The following SMG6 variants were observed in gnomAD, a reference collection of about 807,000 sequenced individuals.
SMG6 encodes telomerase-binding protein EST1A.
SMG6 carries 66 observed loss-of-function variants against 142.2 expected under a neutral mutation model. The ratio of observed to expected loss-of-function variants is 0.46; its 90% CI spans 0.38 to 0.57. The LOEUF (loss-of-function observed/expected upper bound fraction) is 0.57, where lower values mean the gene tolerates loss of function less well. SMG6 is among the 20% of genes least tolerant of loss of function. The pLI, the probability that SMG6 is intolerant of heterozygous loss-of-function variation, is 0.00. For synonymous variants in SMG6, 779 were observed against 702.4 expected, an observed-to-expected ratio of 1.11 and a Z score of -1.72; for missense variants, 1,793 against 1,832.0, an observed-to-expected ratio of 0.98 and a Z score of 0.39.
At chr17:2,191,476 C>T (rs547222409) in intron 10 of SMG6, among the ~76,000 whole-genome samples, 4 of 152,286 alleles carry the variant, frequency 2.6e-5, no homozygotes, top group South Asian at 2.1e-4. Context: ...CCTTGGTATT[C>T]GCCTGGGTTC....
chr17:2,161,277 T>C (rs112134007), intron 13 of SMG6, among the ~76,000 whole-genome samples: 10,977 of 152,040 alleles, frequency 0.072, 572 homozygotes, highest in Admixed American at 0.098. Flanking sequence ...GCTAATTTTG[T>C]ACTTTTAGTA....
intron 15 of SMG6, among the ~76,000 whole-genome samples, chr17:2,070,656 T>C (rs2151398125): frequency 6.6e-6 from 1 of 152,296 alleles, no homozygotes; most frequent in Middle Eastern, 3.4e-3. Context: ...GAGTAAGTTG[T>C]TGCTGCCACT....
intron 13 of SMG6, among the ~76,000 whole-genome samples, chr17:2,168,959 G>A (rs905067323): frequency 4.0e-5 from 6 of 151,642 alleles, no homozygotes; most frequent in Admixed American, 1.3e-4. Flanking sequence ...TGTTGGCCAG[G>A]CTGGTCTCAG....
intron 8 of SMG6, 116 bp from the exon 9 acceptor site, chr17:2,244,835 G>T: frequency 1.2e-6 from 1 of 811,200 alleles, no homozygotes; most frequent in South Asian, 1.5e-5. Flanking sequence ...GGGCACTAGG[G>T]ATGGGAACCA....
chr17:2,282,311 C>T (rs886474078), intron 8 of SMG6, among the ~76,000 whole-genome samples: 1 of 139,114 alleles, frequency 7.2e-6, no homozygotes, highest in African/African-American at 2.7e-5. Context: ...AATATAAGGT[C>T]AACCAAGAGG....
At chr17:2,152,598 T>C (rs2151602210) in intron 13 of SMG6, among the ~76,000 whole-genome samples, 1 of 152,318 alleles carries the variant, frequency 6.6e-6, no homozygotes, top group African/African-American at 2.4e-5. Flanking sequence ...TATGAAAAGA[T>C]GCTCAACATC....
At chr17:2,142,657 G>A (rs896153045) in intron 13 of SMG6, among the ~76,000 whole-genome samples, 6 of 152,102 alleles carry the variant, frequency 3.9e-5, no homozygotes, top group Non-Finnish European at 8.8e-5. Flanking sequence ...GCTGAGGTGG[G>A]CGGATCACCT....
intron 13 of SMG6, among the ~76,000 whole-genome samples, chr17:2,089,308 G>A (rs1162779887): frequency 3.9e-5 from 6 of 152,128 alleles, no homozygotes; most frequent in Non-Finnish European, 1.5e-5. Flanking sequence ...ACATTAGCAC[G>A]TGGGGCTGGA....
chr17:2,143,002 T>C (rs1259499961), intron 13 of SMG6, among the ~76,000 whole-genome samples: 1 of 150,914 alleles, frequency 6.6e-6, no homozygotes, highest in Non-Finnish European at 1.5e-5. Context: ...TATTGAGAAA[T>C]GCAAGTGAAA....
chr17:2,075,727 G>A (rs2068239475), intron 15 of SMG6, among the ~76,000 whole-genome samples: 1 of 152,248 alleles, frequency 6.6e-6, no homozygotes, highest in African/African-American at 2.4e-5. Flanking sequence ...AAAGAACTCA[G>A]GAGAAAAGCA....
intron 13 of SMG6, among the ~76,000 whole-genome samples, chr17:2,141,750 G>C (rs2070487172): frequency 6.6e-6 from 1 of 152,208 alleles, no homozygotes; most frequent in Non-Finnish European, 1.5e-5. Flanking sequence ...GCCTGAGGAG[G>C]AACTTTTTAT....
Position 2,121,587 on chromosome 17 carries a change from C to CTGTGTGTGTGTGTGTGTG in SMG6, c.3358-35704_3358-35687dup, listed in dbSNP as rs71150850. The stretch of plus-strand genomic sequence containing the variant: ...TATATGTATATATGTACATGTCTGT[C>CTGTGTGTGTGTGTGTGTG]TGTGTGTGTGTGTGTGTGTGTGTGT... On this transcript the variant is annotated intron_variant, in intron 13 of 18. Coordinates refer to ENST00000263073, the MANE Select transcript of SMG6 (RefSeq NM_017575.5). Among the ~76,000 whole-genome samples, 78 of 139,848 alleles carry CTGTGTGTGTGTGTGTGTG rather than the reference C, an allele frequency of 5.6e-4. 1 individual carries two copies. Among genetic ancestry groups the CTGTGTGTGTGTGTGTGTG allele is most frequent in the African/African-American group, 1.7e-3 (65 of 37,754 alleles). The allele number at this position is 139,848 out of a possible 152,430, so 91.7% of individuals were successfully genotyped here. A position where few individuals can be genotyped will look rare whatever the true frequency, so the allele number is the denominator to read the frequency against.
At chr17:2,134,525 A>G (rs1325381221) in intron 13 of SMG6, among the ~76,000 whole-genome samples, 2 of 150,944 alleles carry the variant, frequency 1.3e-5, no homozygotes, top group East Asian at 3.9e-4. Context: ...ATGCTGATGT[A>G]AGTTTTATCT....
At chr17:2,069,541 A>G (rs987457305) in intron 15 of SMG6, among the ~76,000 whole-genome samples, 2 of 151,694 alleles carry the variant, frequency 1.3e-5, no homozygotes, top group Non-Finnish European at 2.9e-5. Context: ...GGCTGCAGCG[A>G]GCCGAGATCA....
At chr17:2,168,134 T>C (rs1444033508) in intron 13 of SMG6, among the ~76,000 whole-genome samples, 1 of 152,132 alleles carries the variant, frequency 6.6e-6, no homozygotes, top group Non-Finnish European at 1.5e-5. Flanking sequence ...TTCCAGAATA[T>C]TGGGATTACT....
chr17:2,106,886 C>T (rs950124692), intron 13 of SMG6, among the ~76,000 whole-genome samples: 6 of 149,946 alleles, frequency 4.0e-5, no homozygotes, highest in Non-Finnish European at 7.4e-5. Context: ...TGCAATTGTG[C>T]GATCTCGGCT....
intron 13 of SMG6, among the ~76,000 whole-genome samples, chr17:2,166,647 C>A (rs1201587056): frequency 6.6e-6 from 1 of 152,124 alleles, no homozygotes; most frequent in South Asian, 2.1e-4. Context: ...TTTGTAGGGA[C>A]AGGTTTTTGC....
intron 13 of SMG6, among the ~76,000 whole-genome samples, chr17:2,157,682 T>C (rs191043963): frequency 6.6e-6 from 1 of 152,336 alleles, no homozygotes. Context: ...AGCTTAAAGT[T>C]AGGCTTAACT....
chr17:2,202,857 G>A (rs184313888), intron 10 of SMG6, among the ~76,000 whole-genome samples: 2 of 152,204 alleles, frequency 1.3e-5, no homozygotes, highest in East Asian at 1.9e-4. Context: ...GAGAATTCTC[G>A]CCCTCCATCA....
Sources: allele counts gnomAD v4.1 joint callset (sites outside exome capture counted in the v4.1 genomes callset), GRCh38; gene constraint gnomAD v4.1.1; transcripts MANE v1.5; gene names NCBI Gene and HGNC (gene_info 2026-07-23, HGNC 2026-07-21).